ST6GAL1: variants seen among roughly 807,000 people sequenced by gnomAD.
ST6GAL1 encodes ST6 beta-galactoside alpha-2,6-sialyltransferase 1.
Under a neutral mutation model 38.0 loss-of-function variants are expected in ST6GAL1, and 20 were observed. The ratio of observed to expected loss-of-function variants is 0.53; its 90% CI spans 0.37 to 0.77. The LOEUF is 0.77. Ranked by LOEUF, ST6GAL1 falls within the 30% of genes least tolerant of loss-of-function variation. ST6GAL1 has a pLI of 0.00. For synonymous variants in ST6GAL1, 196 were observed against 188.2 expected, an observed-to-expected ratio of 1.04 and a Z score of -0.34; for missense variants, 432 against 496.4, an observed-to-expected ratio of 0.87 and a Z score of 1.23.
intron 2 of ST6GAL1, among the ~76,000 whole-genome samples, chr3:186,982,140 C>A (rs1715716271): frequency 6.6e-6 from 1 of 152,198 alleles, no homozygotes; most frequent in Non-Finnish European, 1.5e-5. Context: ...CAAATGAACA[C>A]TTATTATGCT....
chr3:186,957,764 T>TG (rs1344285095), intron 1 of ST6GAL1, among the ~76,000 whole-genome samples: 1 of 152,170 alleles, frequency 6.6e-6, no homozygotes, highest in Non-Finnish European at 1.5e-5. Flanking sequence ...TAGGAGACAA[T>TG]GAAGCCATTC....
chr3:187,046,880 C>A (rs1430389166), intron 4 of ST6GAL1, among the ~76,000 whole-genome samples: 1 of 152,196 alleles, frequency 6.6e-6, no homozygotes, highest in Non-Finnish European at 1.5e-5. Context: ...ATGAACAGGC[C>A]TGGCTATGTT....
chr3:187,051,170 T>A, intron 4 of ST6GAL1, 79 bp from the exon 5 acceptor site: 32 of 1,158,052 alleles, frequency 2.8e-5, no homozygotes, highest in Non-Finnish European at 4.0e-5. Flanking sequence ...CCTTGCCCCC[T>A]CCCCCGCCTC....
intron 2 of ST6GAL1, chr3:186,986,467 C>G (rs1301837407): frequency 6.5e-6 from 1 of 153,076 alleles, no homozygotes; most frequent in Non-Finnish European, 1.5e-5. Flanking sequence ...ACCACCACCA[C>G]CACCACCACC....
intron 1 of ST6GAL1, chr3:186,931,499 G>A (rs990565654): frequency 6.6e-5 from 10 of 152,418 alleles, no homozygotes; most frequent in Non-Finnish European, 1.3e-4. Context: ...CCCCGGCCGT[G>A]GCGCATTCTT....
intron 1 of ST6GAL1, among the ~76,000 whole-genome samples, chr3:186,961,194 T>A (rs1714924598): frequency 6.6e-6 from 1 of 152,206 alleles, no homozygotes; most frequent in African/African-American, 2.4e-5. Flanking sequence ...CAAGCTGGTC[T>A]TGAACTCCTG....
chr3:186,974,726 T>TG (rs59138183), intron 2 of ST6GAL1, among the ~76,000 whole-genome samples: 67,150 of 145,076 alleles, frequency 0.46, 15,635 homozygotes, highest in Middle Eastern at 0.52. Flanking sequence ...AGAGCCTGGT[T>TG]GGGGGGGGGG....
At chr3:186,982,438 G>T (rs1715724703) in intron 2 of ST6GAL1, among the ~76,000 whole-genome samples, 1 of 152,172 alleles carries the variant, frequency 6.6e-6, no homozygotes, top group East Asian at 1.9e-4. Context: ...GACAGTTAGG[G>T]GGAATATGTA....
At chr3:186,997,009 G>A (rs1020328840) in intron 2 of ST6GAL1, among the ~76,000 whole-genome samples, 6 of 152,008 alleles carry the variant, frequency 3.9e-5, no homozygotes, top group African/African-American at 1.2e-4. Flanking sequence ...GGTTCTGTCT[G>A]TACACTGTGC....
chr3:186,980,603 CAAAAA>C (rs34503745), intron 2 of ST6GAL1, among the ~76,000 whole-genome samples: 1 of 92,170 alleles, frequency 1.1e-5, no homozygotes, highest in Non-Finnish European at 2.1e-5. Context: ...ACTAAAATTA[CAAAAA>C]AAAAAAAAAA....
At chr3:187,011,016 A>ATTT (rs1716939661) in intron 2 of ST6GAL1, among the ~76,000 whole-genome samples, 1 of 152,168 alleles carries the variant, frequency 6.6e-6, no homozygotes, top group Non-Finnish European at 1.5e-5. Flanking sequence ...GGCTAAATAA[A>ATTT]CAGACTCTTA....
intron 2 of ST6GAL1, among the ~76,000 whole-genome samples, chr3:187,007,108 C>T (rs892441359): frequency 1.8e-4 from 28 of 152,142 alleles, no homozygotes; most frequent in African/African-American, 6.8e-4. Context: ...AGCAGGCAGG[C>T]AGAGTACTGG....
At chr3:186,984,788 CTTCCTTCCTTCCTTCCATCCTTCCTTCCT>C in intron 2 of ST6GAL1, among the ~76,000 whole-genome samples, 1 of 26,244 alleles carries the variant, frequency 3.8e-5, no homozygotes, top group Non-Finnish European at 8.5e-5. Flanking sequence ...CCCTTCCTCC[CTTCCTTCCTTCCTTCCATCCTTCCTTCCT>C]TCCTTCCTTC....
intron 1 of ST6GAL1, among the ~76,000 whole-genome samples, chr3:186,963,247 G>A (rs926560666): frequency 4.6e-5 from 7 of 152,082 alleles, no homozygotes; most frequent in East Asian, 1.9e-4. Context: ...TTTTTGAGAC[G>A]GAGTTTCGCT....
Position 186,950,199 on chromosome 3 carries a change from G to T in ST6GAL1, c.-324-13586G>T, listed in dbSNP as rs574774605. ...GCTTTAAAAGAATGAAGAAGAATCT[G>T]CCAGGCAGTTGGGGCGGGGGCAGCA... On this transcript the variant is annotated intron_variant, in intron 1 of 7. Transcript: ENST00000169298. Among the ~76,000 whole-genome samples, 38 of 152,328 alleles carry T rather than the reference G, an allele frequency of 2.5e-4. No individual in the cohort carries two copies. The South Asian group carries it at 7.3e-3, about 29-fold the overall frequency.
chr3:186,953,599 T>A (rs1330767269), intron 1 of ST6GAL1, among the ~76,000 whole-genome samples: 1 of 152,214 alleles, frequency 6.6e-6, no homozygotes, highest in African/African-American at 2.4e-5. Flanking sequence ...TACTACCCTG[T>A]GTCTTTTCTC....
At chr3:187,037,014 A>C (rs575117642) in intron 2 of ST6GAL1, among the ~76,000 whole-genome samples, 15 of 152,192 alleles carry the variant, frequency 9.9e-5, no homozygotes, top group African/African-American at 3.6e-4. Flanking sequence ...GTAGAGAATC[A>C]TTTTACATGT....
chr3:186,981,020 C>G (rs749333621), intron 2 of ST6GAL1, among the ~76,000 whole-genome samples: 3 of 152,082 alleles, frequency 2.0e-5, no homozygotes, highest in Non-Finnish European at 4.4e-5. Flanking sequence ...CTGAGGAGGG[C>G]TTTGGGTGTG....
rs186744123 is a variant in ST6GAL1 at position 187,040,401 on chromosome 3, C to T, written c.-51+1528C>T. Among the ~76,000 whole-genome samples, 552 of 152,300 alleles carry T rather than the reference C, an allele frequency of 3.6e-3. 12 individuals carry two copies. The highest frequency in any genetic ancestry group is 0.028 in the Admixed American group (423 of 15,296). ...TGATCACACTGACTTCTCACTGTCC[C>T]TTATCACAGATGCATGTCCTTGGGT... On this transcript the variant is annotated intron_variant, in intron 3 of 7. Coordinates refer to ENST00000169298, the MANE Select transcript of ST6GAL1 (RefSeq NM_173216.2).
Sources: gnomAD v4.1 joint callset for allele counts (sites outside exome capture counted in the v4.1 genomes callset) on GRCh38, gnomAD v4.1.1 for gene constraint, MANE v1.5 for transcripts, NCBI Gene and HGNC (gene_info 2026-07-23, HGNC 2026-07-21) for gene names.